Variants in PRKN observed in about 807,000 individuals in gnomAD.
PRKN encodes parkin RBR E3 ubiquitin protein ligase, also known as E3 ubiquitin-protein ligase parkin.
Under a neutral mutation model 59.5 loss-of-function variants are expected in PRKN, and 56 were observed. That is an observed-to-expected ratio of 0.94 (90% CI 0.76 to 1.18). The LOEUF (loss-of-function observed/expected upper bound fraction) is 1.18, where lower values mean the gene tolerates loss of function less well. Ranked by LOEUF, PRKN falls within the 50% of genes most tolerant of loss-of-function variation. PRKN has a pLI of 0.00. For synonymous variants in PRKN, 250 were observed against 222.1 expected (o/e 1.13, Z -1.12); for missense variants, 657 against 596.4 (o/e 1.10, Z -1.06).
chr6:162,411,544 CAT>C (rs1288017386), intron 2 of PRKN, among the ~76,000 whole-genome samples: 2 of 152,046 alleles, frequency 1.3e-5, no homozygotes, highest in Non-Finnish European at 2.9e-5. Context: ...GAAGCAAAAA[CAT>C]AATATTATTA....
At chr6:162,695,124 A>G (rs894098305) in intron 1 of PRKN, 2 of 152,200 alleles carry the variant, frequency 1.3e-5, no homozygotes, top group Non-Finnish European at 2.9e-5. Context: ...GCTTGAGGCA[A>G]TAAGAATAAA....
Position 162,056,143 on chromosome 6 carries a change from CCA to C in PRKN, c.535-1971_535-1970del, listed in dbSNP as rs200430715. Reference sequence around the variant, plus strand: ...ATGCATGCACGCACACCAAGACACACCACACACGCACGCACACCAAAACACAC... The same window carrying C: ...ATGCATGCACGCACACCAAGACACACCACACGCACGCACACCAAAACACAC... On this transcript the variant is annotated intron_variant, in intron 4 of 11. Transcript: ENST00000366898. The surrounding 1 kb of genome is among the most constrained non-coding windows in gnomAD (Gnocchi z 4.9). Among the ~76,000 whole-genome samples, 91 of 151,208 alleles carry C rather than the reference CCA, an allele frequency of 6.0e-4. 1 individual carries two copies. In the East Asian group the frequency reaches 0.017, roughly 28 times the overall value.
At chr6:162,692,467 C>T (rs1268703444) in intron 1 of PRKN, among the ~76,000 whole-genome samples, 1 of 152,116 alleles carries the variant, frequency 6.6e-6, no homozygotes, top group Non-Finnish European at 1.5e-5. Context: ...TTCTAGTTCA[C>T]CCAGGGCCCT....
At chr6:162,126,691 T>C (rs1562528594) in intron 4 of PRKN, among the ~76,000 whole-genome samples, 1 of 152,210 alleles carries the variant, frequency 6.6e-6, no homozygotes, top group Non-Finnish European at 1.5e-5. Context: ...GCAGCTACTC[T>C]TGGTCCACCT....
rs1784950489 is a variant in PRKN at position 161,360,857 on chromosome 6, G to A, written c.1168-652C>T. 6.6e-6 allele frequency among the ~76,000 whole-genome samples: 1 copy of A among 151,804 alleles called. No individual in the cohort carries two copies. Among genetic ancestry groups the A allele is most frequent in the Non-Finnish European group, 1.5e-5 (1 of 67,800 alleles). On this transcript the variant is annotated intron_variant, in intron 10 of 11. Coordinates refer to ENST00000366898, the MANE Select transcript of PRKN (RefSeq NM_004562.3). This position sits in a 1 kb window ranked among gnomAD's most constrained non-coding sequence, Gnocchi z 5.1. Reference sequence around the variant, plus strand: ...TTCAAATCCCAGCTCTACCCAGACGGGTGACTCTGGAAACATTCCCTAAGC... The same window carrying A: ...TTCAAATCCCAGCTCTACCCAGACGAGTGACTCTGGAAACATTCCCTAAGC...
chr6:161,567,584 C>T (rs753755032), intron 8 of PRKN, among the ~76,000 whole-genome samples: 56 of 151,822 alleles, frequency 3.7e-4, no homozygotes, highest in Non-Finnish European at 5.7e-4. Context: ...TGTGTTTGCG[C>T]GTGTGTTTGC....
chr6:161,684,811 C>G (rs1010668443), intron 7 of PRKN, among the ~76,000 whole-genome samples: 1 of 151,706 alleles, frequency 6.6e-6, no homozygotes, highest in Non-Finnish European at 1.5e-5. Flanking sequence ...AAAAACATTC[C>G]TGTGCAGCAT....
chr6:162,234,994 T>C (rs957004733), intron 3 of PRKN, among the ~76,000 whole-genome samples: 10 of 152,352 alleles, frequency 6.6e-5, no homozygotes, highest in African/African-American at 1.7e-4. Context: ...GATTCTCTTA[T>C]GGCAGTGACA....
At chr6:162,428,192 C>G (rs1054416192) in intron 2 of PRKN, among the ~76,000 whole-genome samples, 4 of 152,138 alleles carry the variant, frequency 2.6e-5, no homozygotes, top group Admixed American at 2.6e-4. Context: ...GTCAGACTTG[C>G]AAAAGAACAA....
intron 7 of PRKN, among the ~76,000 whole-genome samples, chr6:161,777,910 G>A (rs3016560): frequency 0.93 from 134,636 of 144,912 alleles, 62,738 homozygotes; most frequent in Middle Eastern, 0.98. Flanking sequence ...ATATATATGT[G>A]TATATATATG....
At chr6:161,387,901 TGA>T (rs553452438) in intron 9 of PRKN, among the ~76,000 whole-genome samples, 154 of 152,272 alleles carry the variant, frequency 1.0e-3, no homozygotes, top group African/African-American at 3.7e-3. Context: ...ACACACGGAC[TGA>T]GAGATGATGA....
intron 2 of PRKN, among the ~76,000 whole-genome samples, chr6:162,374,427 A>T (rs114101070): frequency 0.011 from 1,621 of 149,758 alleles, 30 homozygotes; most frequent in African/African-American, 0.037. Context: ...TGTTTATGTG[A>T]TATTTAGTAT....
chr6:161,575,383 A>G lies in PRKN; in HGVS notation c.872-5967T>C, dbSNP rs1025530516. On this transcript the variant is annotated intron_variant, in intron 7 of 11. Transcript: ENST00000366898. The surrounding 1 kb of genome is among the most constrained non-coding windows in gnomAD (Gnocchi z 4.6). ...CATTTCCACAAAGTCACTGACAGCTACTGAGAAAAAGCAACCCCAAACAAA... is the reference window on the plus strand; with the variant it reads ...CATTTCCACAAAGTCACTGACAGCTGCTGAGAAAAAGCAACCCCAAACAAA... Among the ~76,000 whole-genome samples, 1 of 152,194 alleles carries G rather than the reference A, an allele frequency of 6.6e-6. No individual in the cohort carries two copies. The highest frequency in any genetic ancestry group is 2.4e-5 in the African/African-American group (1 of 41,450).
chr6:162,170,404 A>G lies in PRKN; in HGVS notation c.534+30727T>C, dbSNP rs117349876. 2.3e-3 allele frequency among the ~76,000 whole-genome samples: 356 copies of G among 152,328 alleles called. 8 individuals carry two copies. In the East Asian group the frequency reaches 0.059, roughly 25 times the overall value. On this transcript the variant is annotated intron_variant, in intron 4 of 11. Coordinates refer to ENST00000366898, the MANE Select transcript of PRKN (RefSeq NM_004562.3). ...CCGTTTATTTTCCTTTGTAATAGACATGCTACTTTTTACTTTAATTTGAAC... is the reference window on the plus strand; with the variant it reads ...CCGTTTATTTTCCTTTGTAATAGACGTGCTACTTTTTACTTTAATTTGAAC...
chr6:162,063,930 TAC>T (rs61001681), intron 4 of PRKN, among the ~76,000 whole-genome samples: 123,144 of 151,574 alleles, frequency 0.81, 50,041 homozygotes, highest in East Asian at 0.87. Context: ...AAAATGAAAA[TAC>T]ACACACACAC....
intron 1 of PRKN, among the ~76,000 whole-genome samples, chr6:162,705,889 T>C (rs1040472291): frequency 6.6e-6 from 1 of 152,086 alleles, no homozygotes; most frequent in South Asian, 2.1e-4. Context: ...GCTTGGCTGT[T>C]TGACTCCCGT....
chr6:162,551,887 T>C (rs1423688386), intron 1 of PRKN, among the ~76,000 whole-genome samples: 1 of 152,204 alleles, frequency 6.6e-6, no homozygotes. Flanking sequence ...ATGATGAGAC[T>C]TGGAGTCTAG....
At chr6:162,598,192 T>C (rs944646788) in intron 1 of PRKN, among the ~76,000 whole-genome samples, 2 of 152,198 alleles carry the variant, frequency 1.3e-5, no homozygotes, top group Non-Finnish European at 2.9e-5. Context: ...ATTGTTTTAA[T>C]CATATCATGG....
In PRKN at chr6:161,362,672, A is replaced by G. The variant is rs1046474800; in HGVS notation, c.1168-2467T>C. On this transcript the variant is annotated intron_variant, in intron 10 of 11. Transcript: ENST00000366898. This position sits in a 1 kb window ranked among gnomAD's most constrained non-coding sequence, Gnocchi z 5.2. ...AATTCATCCTATCTGATTAGCTTTAAAAAACCTCAAGTCAAAAATTAATTT... is the reference window on the plus strand; with the variant it reads ...AATTCATCCTATCTGATTAGCTTTAGAAAACCTCAAGTCAAAAATTAATTT... 6.6e-6 allele frequency among the ~76,000 whole-genome samples: 1 copy of G among 152,222 alleles called. No individual in the cohort carries two copies. Among genetic ancestry groups the G allele is most frequent in the African/African-American group, 2.4e-5 (1 of 41,458 alleles).
Sources: allele counts gnomAD v4.1 joint callset (sites outside exome capture counted in the v4.1 genomes callset), GRCh38; gene constraint gnomAD v4.1.1; non-coding constraint Gnocchi (gnomAD v3.1); transcripts MANE v1.5; gene names NCBI Gene and HGNC (gene_info 2026-07-23, HGNC 2026-07-21).